The following ZIM2 variants were observed in gnomAD, a reference collection of about 807,000 sequenced individuals.
The protein encoded by ZIM2 is zinc finger imprinted 2, also known as zinc finger protein 656.
ZIM2 carries 14 observed loss-of-function variants against 38.6 expected under a neutral mutation model. That is an observed-to-expected ratio of 0.36 (90% CI 0.24 to 0.57). ZIM2 has a LOEUF of 0.57. Among genes scored for constraint, ZIM2 ranks in the 20% least tolerant of loss-of-function variants. ZIM2 has a pLI of 0.81. For synonymous variants in ZIM2, 247 were observed against 245.8 expected (o/e 1.00, Z -0.04); for missense variants, 680 against 695.1 (o/e 0.98, Z 0.24).
rs112505139 is a variant in ZIM2 at position 56,832,940 on chromosome 19, A to G, written c.-227+3078T>C. On this transcript the variant is annotated intron_variant, in intron 2 of 12. Transcript: ENST00000629319. ...TTACTTCTATTCCATTAAAATGAGT[A>G]GGAAATAAAAGCATGGCTCTTACAA... Among the ~76,000 whole-genome samples the G allele has an allele frequency of 2.7e-3, 411 of 152,354 alleles. 2 individuals carry two copies. Among genetic ancestry groups the G allele is most frequent in the Non-Finnish European group, 4.5e-3 (307 of 68,032 alleles).
chr19:56,817,512 G>A, intron 9 of ZIM2: 1 of 1,609,412 alleles, frequency 6.2e-7, no homozygotes, highest in Non-Finnish European at 8.5e-7. Context: ...TCACTCCGTG[G>A]GAAGATTCAT....
At chr19:56,816,316 C>T (rs754147449) in intron 9 of ZIM2, 49 of 1,613,966 alleles carry the variant, frequency 3.0e-5, no homozygotes, top group Admixed American at 1.2e-4. Flanking sequence ...GAGGTTCTTT[C>T]GAGAATGAAT....
At chr19:56,824,934 G>A (rs2060875610) in intron 3 of ZIM2, 6 of 357,970 alleles carry the variant, frequency 1.7e-5, no homozygotes, top group Non-Finnish European at 3.1e-5. Context: ...AGACCTACTC[G>A]AGGAGTTAGC....
intron 9 of ZIM2, among the ~76,000 whole-genome samples, chr19:56,794,173 G>A (rs2047077433): frequency 6.6e-6 from 1 of 152,200 alleles, no homozygotes; most frequent in South Asian, 2.1e-4. Context: ...GCAGAGAAAA[G>A]GTGGTAAACC....
chr19:56,840,666 C>T lies in ZIM2; in HGVS notation c.-398G>A, dbSNP rs180989789. On this transcript the variant is annotated 5_prime_UTR_variant, in exon 1 of 13. Transcript: ENST00000629319. ...CCCGGCGCCCGGCGGCGCCACCAGC[C>T]CAGGGTGGACATCTCCCGCGCCTCC... is the stretch of plus-strand genomic sequence containing the variant. 2 of 153,302 alleles carry T rather than the reference C, an allele frequency of 1.3e-5. No individual in the cohort carries two copies. The highest frequency in any genetic ancestry group is 1.3e-4 in the Admixed American group (2 of 15,324). The allele number at this position is 153,302 out of a possible 1,614,324, so 9.5% of individuals were successfully genotyped here. A position where few individuals can be genotyped will look rare whatever the true frequency, so the allele number is the denominator to read the frequency against.
chr19:56,780,245 C>CTTT (rs66492427), intron 11 of ZIM2, among the ~76,000 whole-genome samples: 4 of 129,360 alleles, frequency 3.1e-5, no homozygotes, highest in East Asian at 2.3e-4. Context: ...TTTCTTTTTT[C>CTTT]TTTTTTTTTT....
intron 9 of ZIM2, among the ~76,000 whole-genome samples, chr19:56,796,326 C>T (rs556211156): frequency 6.6e-6 from 1 of 152,334 alleles, no homozygotes; most frequent in South Asian, 2.1e-4. Flanking sequence ...GCGGATTTGA[C>T]AGTACGCAGC....
chr19:56,780,923 C>T (rs1473805717), intron 11 of ZIM2, among the ~76,000 whole-genome samples: 2 of 152,154 alleles, frequency 1.3e-5, no homozygotes, highest in Non-Finnish European at 2.9e-5. Flanking sequence ...CTTAGGAAGA[C>T]AATGTCCCAG....
intron 7 of ZIM2, among the ~76,000 whole-genome samples, chr19:56,821,109 AC>A (rs1367186946): frequency 6.6e-6 from 1 of 152,236 alleles, no homozygotes; most frequent in Non-Finnish European, 1.5e-5. Flanking sequence ...TGTGCCAGGT[AC>A]TTTATGTATG....
At chr19:56,838,514 ACTAAG>A (rs202072091) in intron 1 of ZIM2, among the ~76,000 whole-genome samples, 213 of 152,034 alleles carry the variant, frequency 1.4e-3, no homozygotes, top group African/African-American at 4.8e-3. Flanking sequence ...CAGCTCCCCC[ACTAAG>A]CCGCCCCCAT....
chr19:56,780,683 T>C (rs763507868), intron 11 of ZIM2, among the ~76,000 whole-genome samples: 5 of 152,338 alleles, frequency 3.3e-5, no homozygotes, highest in Non-Finnish European at 7.3e-5. Context: ...AGCTAGCTTC[T>C]GTTGCCTATC....
intron 12 of ZIM2, among the ~76,000 whole-genome samples, chr19:56,778,188 G>C (rs1209293983): frequency 6.6e-6 from 1 of 152,176 alleles, no homozygotes; most frequent in Non-Finnish European, 1.5e-5. Context: ...TGAAGGAAGA[G>C]ATTTGTCTGT....
chr19:56,783,482 G>A (rs1459692330), intron 10 of ZIM2, among the ~76,000 whole-genome samples: 2 of 152,156 alleles, frequency 1.3e-5, no homozygotes, highest in African/African-American at 4.8e-5. Context: ...GCCAAAAAAA[G>A]AACAAAATCG....
At chr19:56,794,082 T>G (rs1291090691) in intron 9 of ZIM2, among the ~76,000 whole-genome samples, 1 of 152,202 alleles carries the variant, frequency 6.6e-6, no homozygotes, top group Non-Finnish European at 1.5e-5. Flanking sequence ...AGCTGTATTA[T>G]AGTTGTAGGA....
At chr19:56,810,097 A>T in intron 9 of ZIM2, 1 of 896,196 alleles carries the variant, frequency 1.1e-6, no homozygotes. Context: ...TTTTAACTTT[A>T]TTTTTATTGT....
rs200378470 is a variant in ZIM2, at chr19:56,782,115, C to A, written c.577G>T (p.Asp193Tyr). 1 of 1,613,582 alleles carries A rather than the reference C, an allele frequency of 6.2e-7. No homozygotes were observed. The highest frequency in any genetic ancestry group is 1.7e-5 in the Admixed American group (1 of 60,002). Residue 193 changes from aspartate (D) to tyrosine (Y), a missense_variant, in exon 11 of 13, where the codon GAC becomes TAC. Physicochemically the swap from Asp to Tyr is radical, Grantham distance 160. Transcript: ENST00000629319. ...NLPSAGSQFPDFKHLGTFLVF... is the reference protein window; with the variant it reads ...NLPSAGSQFPYFKHLGTFLVF... ...AGAAATGTTCCTAAGTGTTTGAAGTCCGGGAACTATCCCAGAGAGAGGAGA... is the reference window on the plus strand; with the variant it reads ...AGAAATGTTCCTAAGTGTTTGAAGTACGGGAACTATCCCAGAGAGAGGAGA...
In ZIM2 at chr19:56,775,484, T is replaced by C; in HGVS notation, c.881A>G (p.Glu294Gly). ...DPLEPHQGNQ[E>G]KLLTPITMND... ...CATTGTTATAGGAGTCAAAAGTTTCTCTTGGTTGCCCTGGTGTGGTTCCAA... is the reference window on the plus strand; with the variant it reads ...CATTGTTATAGGAGTCAAAAGTTTCCCTTGGTTGCCCTGGTGTGGTTCCAA... The change falls in exon 13 of 13, where the codon GAG becomes GGG. Residue 294 changes from glutamate to glycine, a missense_variant. Physicochemically the swap from Glu to Gly is moderately conservative, Grantham distance 98 (BLOSUM62 -2). Transcript: ENST00000629319. 1 of 1,613,870 alleles carries C rather than the reference T, an allele frequency of 6.2e-7. No homozygotes were observed. The highest frequency in any genetic ancestry group is 1.7e-5 in the Admixed American group (1 of 59,958).
chr19:56,784,504 T>G (rs2046493278), intron 10 of ZIM2, among the ~76,000 whole-genome samples: 1 of 152,200 alleles, frequency 6.6e-6, no homozygotes, highest in Non-Finnish European at 1.5e-5. Context: ...AGTGTCATAT[T>G]TAAACGATGG....
intron 10 of ZIM2, 149 bp downstream of exon 10, chr19:56,789,723 G>T (rs2046823463): frequency 4.8e-6 from 3 of 627,796 alleles, no homozygotes; most frequent in Non-Finnish European, 7.2e-6. Context: ...GCAAATGTCA[G>T]ATTAGTCAGA....
Sources: gnomAD v4.1 joint callset for allele counts (sites outside exome capture counted in the v4.1 genomes callset) on GRCh38, gnomAD v4.1.1 for gene constraint, MANE v1.5 for transcripts, NCBI Gene and HGNC (gene_info 2026-07-23, HGNC 2026-07-21) for gene names.